Variants in VRK2 observed in about 807,000 individuals in gnomAD.
VRK2 encodes the protein serine/threonine-protein kinase VRK2.
VRK2 carries 60 observed loss-of-function variants against 57.6 expected under a neutral mutation model. That is an observed-to-expected ratio of 1.04 (90% CI 0.85 to 1.29). The LOEUF (loss-of-function observed/expected upper bound fraction) is 1.29. Among genes scored for constraint, VRK2 ranks in the 50% most tolerant of loss-of-function variants. VRK2 has a pLI of 0.00. For missense variants in VRK2, 705 were observed against 588.1 expected (o/e 1.20, Z -2.06); for synonymous variants, 231 against 199.2 (o/e 1.16, Z -1.35).
chr2:57,974,547 T>C (rs1004389416), intron 1 of VRK2, among the ~76,000 whole-genome samples: 17 of 151,866 alleles, frequency 1.1e-4, no homozygotes, highest in African/African-American at 4.1e-4. Context: ...CTCATAAAAA[T>C]AGGAAAAAAA....
intron 1 of VRK2, among the ~76,000 whole-genome samples, chr2:57,954,859 A>G (rs1211508614): frequency 6.6e-6 from 1 of 152,172 alleles, no homozygotes; most frequent in African/African-American, 2.4e-5. Flanking sequence ...TTTACACAAA[A>G]GTCAGCAACA....
intron 1 of VRK2, among the ~76,000 whole-genome samples, chr2:58,015,006 C>T (rs1306528838): frequency 1.3e-5 from 2 of 152,096 alleles, no homozygotes; most frequent in East Asian, 1.9e-4. Context: ...TAAGATAATA[C>T]ATTTGTGCAA....
intron 2 of VRK2, among the ~76,000 whole-genome samples, chr2:58,031,165 G>GT (rs1458969213): frequency 6.6e-6 from 1 of 151,994 alleles, no homozygotes; most frequent in African/African-American, 2.4e-5. Flanking sequence ...ACAAATAAAT[G>GT]GTAAGTGACT....
At chr2:57,969,640 G>A (rs1463809646) in intron 1 of VRK2, among the ~76,000 whole-genome samples, 1 of 151,984 alleles carries the variant, frequency 6.6e-6, no homozygotes, top group African/African-American at 2.4e-5. Flanking sequence ...ACTTCAAGAA[G>A]TTCTAAGGAA....
At chr2:58,141,085 A>T (rs998354486) in intron 11 of VRK2, among the ~76,000 whole-genome samples, 3 of 151,994 alleles carry the variant, frequency 2.0e-5, no homozygotes, top group Admixed American at 2.0e-4. Context: ...ATAAAAAGCC[A>T]CTGGATTTTG....
intron 8 of VRK2, among the ~76,000 whole-genome samples, chr2:58,128,475 G>T (rs901415051): frequency 2.0e-5 from 3 of 152,084 alleles, no homozygotes; most frequent in African/African-American, 4.8e-5. Context: ...GGGATTACAG[G>T]TGTGTGCCAC....
intron 2 of VRK2, among the ~76,000 whole-genome samples, chr2:58,063,440 T>G (rs565010393): frequency 6.6e-6 from 1 of 152,138 alleles, no homozygotes; most frequent in Non-Finnish European, 1.5e-5. Flanking sequence ...GCACCCTGAA[T>G]ACCCTGACTT....
At chr2:58,016,728 T>C (rs1673594730) in intron 1 of VRK2, among the ~76,000 whole-genome samples, 1 of 152,210 alleles carries the variant, frequency 6.6e-6, no homozygotes, top group Non-Finnish European at 1.5e-5. Context: ...TGTTGCATTT[T>C]TATAGACAAC....
chr2:58,087,859 T>A (rs757689759), intron 5 of VRK2, among the ~76,000 whole-genome samples: 6 of 152,058 alleles, frequency 3.9e-5, no homozygotes, highest in Non-Finnish European at 5.9e-5. Flanking sequence ...TGGTGGTGCA[T>A]GCCTGCAGTC....
intron 1 of VRK2, among the ~76,000 whole-genome samples, chr2:57,973,822 T>C (rs950130306): frequency 6.6e-6 from 1 of 151,746 alleles, no homozygotes; most frequent in African/African-American, 2.4e-5. Flanking sequence ...AACCTCTGCG[T>C]TCAAAGCAGC....
At chr2:58,106,238 A>G (rs1354951448) in intron 7 of VRK2, among the ~76,000 whole-genome samples, 3 of 151,906 alleles carry the variant, frequency 2.0e-5, no homozygotes, top group Admixed American at 2.0e-4. Flanking sequence ...AATTGGAAAG[A>G]TTTTCTATAA....
intron 7 of VRK2, among the ~76,000 whole-genome samples, chr2:58,104,544 A>T (rs1674468179): frequency 6.6e-6 from 1 of 151,944 alleles, no homozygotes; most frequent in African/African-American, 2.4e-5. Context: ...ACTACAAAAC[A>T]GTGGTGAAAT....
At chr2:58,048,036 T>C (rs1191163023) in intron 1 of VRK2, among the ~76,000 whole-genome samples, 2 of 152,230 alleles carry the variant, frequency 1.3e-5, no homozygotes, top group Non-Finnish European at 2.9e-5. Flanking sequence ...ATATGTATTT[T>C]CCCCTAAGAA....
At chr2:57,954,332 T>C (rs1054002420) in intron 1 of VRK2, among the ~76,000 whole-genome samples, 2 of 152,108 alleles carry the variant, frequency 1.3e-5, no homozygotes, top group African/African-American at 4.8e-5. Context: ...GGAAATTGTA[T>C]GCAAGAAGAA....
rs1046058458 is a variant in VRK2, at chr2:58,046,806, C to A, written c.-68C>A. The A allele has an allele frequency of 1.0e-6, 1 of 985,538 alleles. No individual in the cohort carries two copies. The highest frequency in any genetic ancestry group is 1.7e-5 in the African/African-American group (1 of 57,258). 61.0% of individuals were successfully genotyped at this position (985,538 alleles called of 1,614,324 possible). ...GGGACTGTAGGCCCGGGGGCTCCGC[C>A]TCGTCGCAGCGGCAGGTAGGAGGCG... is the stretch of plus-strand genomic sequence containing the variant. On this transcript the variant is annotated 5_prime_UTR_variant, in exon 1 of 13. Transcript: ENST00000340157.
chr2:57,976,304 T>A (rs1057326746), intron 1 of VRK2, among the ~76,000 whole-genome samples: 10 of 152,136 alleles, frequency 6.6e-5, no homozygotes, highest in Non-Finnish European at 1.5e-4. Flanking sequence ...CAAGTGGTAG[T>A]TCTGTTTTAA....
chr2:58,126,324 T>A (rs967964494), intron 8 of VRK2, among the ~76,000 whole-genome samples: 1 of 152,212 alleles, frequency 6.6e-6, no homozygotes, highest in Non-Finnish European at 1.5e-5. Flanking sequence ...AGACTGTCTG[T>A]TCTGTGCTAC....
At chr2:58,142,657 A>G (rs1681515535) in intron 11 of VRK2, among the ~76,000 whole-genome samples, 1 of 151,854 alleles carries the variant, frequency 6.6e-6, no homozygotes, top group Non-Finnish European at 1.5e-5. Flanking sequence ...AATTCACTGA[A>G]AGAAACAATA....
At chr2:58,102,030 A>T (rs1415145299) in intron 7 of VRK2, among the ~76,000 whole-genome samples, 2 of 151,640 alleles carry the variant, frequency 1.3e-5, no homozygotes, top group African/African-American at 2.4e-5. Context: ...AGGTATAGTA[A>T]CTAAGTCATT....
Sources: allele counts gnomAD v4.1 joint callset (sites outside exome capture counted in the v4.1 genomes callset), GRCh38; gene constraint gnomAD v4.1.1; transcripts MANE v1.5; gene names NCBI Gene and HGNC (gene_info 2026-07-23, HGNC 2026-07-21).